Variants in NRXN1 observed in about 807,000 individuals in gnomAD.
The protein encoded by NRXN1 is neurexin 1.
In NRXN1, 39 loss-of-function variants were observed where a neutral mutation model predicts 150.9. The observed-to-expected ratio is 0.26, with a 90% CI of 0.20 to 0.34. The LOEUF is 0.34. Among genes scored for constraint, NRXN1 ranks in the 10% least tolerant of loss-of-function variants. NRXN1 has a pLI of 1.00. For missense variants in NRXN1, 1,815 were observed against 1,949.9 expected (o/e 0.93, Z 1.30); for synonymous variants, 924 against 757.0 (o/e 1.22, Z -3.62).
intron 18 of NRXN1, among the ~76,000 whole-genome samples, chr2:50,164,160 A>T (rs1269541218): frequency 6.6e-6 from 1 of 152,204 alleles, no homozygotes; most frequent in Non-Finnish European, 1.5e-5. Context: ...CATTTATTGT[A>T]ATTACATCTA....
intron 18 of NRXN1, among the ~76,000 whole-genome samples, chr2:50,098,911 A>G (rs183548660): frequency 3.5e-5 from 5 of 144,366 alleles, no homozygotes; most frequent in East Asian, 2.1e-4. Flanking sequence ...GCACTACACA[A>G]TAAGGAATCA....
At chr2:50,799,041 C>G (rs546190507) in intron 5 of NRXN1, among the ~76,000 whole-genome samples, 2 of 152,096 alleles carry the variant, frequency 1.3e-5, no homozygotes, top group East Asian at 3.9e-4. Context: ...TACTTTTGCA[C>G]CAGCCTAATA....
chr2:50,131,642 A>G (rs1705510978), intron 18 of NRXN1, among the ~76,000 whole-genome samples: 1 of 152,228 alleles, frequency 6.6e-6, no homozygotes, highest in Non-Finnish European at 1.5e-5. Context: ...TTTCATCTTC[A>G]AAGCACTTTA....
intron 15 of NRXN1, among the ~76,000 whole-genome samples, chr2:50,489,843 G>C (rs1263145716): frequency 6.6e-6 from 1 of 152,044 alleles, no homozygotes; most frequent in African/African-American, 2.4e-5. Context: ...GAAGCAGAGG[G>C]AAGAACTCCC....
intron 5 of NRXN1, among the ~76,000 whole-genome samples, chr2:50,654,999 G>A (rs1443898761): frequency 1.3e-5 from 2 of 151,840 alleles, no homozygotes; most frequent in Non-Finnish European, 2.9e-5. Flanking sequence ...AATAAAAAAG[G>A]TCTAATTAAT....
intron 2 of NRXN1, among the ~76,000 whole-genome samples, chr2:50,988,646 GA>G (rs1698078530): frequency 6.6e-6 from 1 of 151,876 alleles, no homozygotes; most frequent in Non-Finnish European, 1.5e-5. Context: ...GTTGTACTGA[GA>G]TATAATTCCT....
chr2:50,283,965 C>T (rs79438684), intron 17 of NRXN1, among the ~76,000 whole-genome samples: 3,519 of 152,216 alleles, frequency 0.023, 132 homozygotes, highest in African/African-American at 0.081. Context: ...TCTTTCCATG[C>T]TATACTTTTC....
chr2:50,014,638 CATTA>C, intron 21 of NRXN1, among the ~76,000 whole-genome samples: 1 of 152,248 alleles, frequency 6.6e-6, no homozygotes, highest in East Asian at 1.9e-4. Flanking sequence ...AGTTAAATTT[CATTA>C]ATTCTTTTTT....
chr2:50,499,621 A>C (rs766696124), intron 13 of NRXN1, among the ~76,000 whole-genome samples: 1 of 152,170 alleles, frequency 6.6e-6, no homozygotes, highest in Non-Finnish European at 1.5e-5. Context: ...GCAACATTGA[A>C]TTAAGAAGCT....
At chr2:50,768,003 TA>T (rs1457684571) in intron 5 of NRXN1, among the ~76,000 whole-genome samples, 1 of 152,116 alleles carries the variant, frequency 6.6e-6, no homozygotes, top group Non-Finnish European at 1.5e-5. Context: ...TAATTTATCA[TA>T]TTCTGCATTT....
chr2:49,933,896 T>C (rs1179122293), intron 22 of NRXN1, among the ~76,000 whole-genome samples: 1 of 152,140 alleles, frequency 6.6e-6, no homozygotes, highest in Non-Finnish European at 1.5e-5. Flanking sequence ...CCGGGAGTAG[T>C]TGTATTTGAG....
chr2:50,304,732 A>G (rs1452479827), intron 17 of NRXN1, among the ~76,000 whole-genome samples: 8 of 152,180 alleles, frequency 5.3e-5, no homozygotes, highest in African/African-American at 1.9e-4. Context: ...AAGACTTATG[A>G]AATGGGAAGC....
chr2:50,101,853 T>C (rs1485656928), intron 18 of NRXN1, among the ~76,000 whole-genome samples: 1 of 152,002 alleles, frequency 6.6e-6, no homozygotes, highest in Non-Finnish European at 1.5e-5. Context: ...ACTGACTTCC[T>C]AATGATGCTA....
chr2:50,056,657 T>C (rs1223544732), intron 19 of NRXN1, among the ~76,000 whole-genome samples: 3 of 152,150 alleles, frequency 2.0e-5, no homozygotes, highest in Admixed American at 6.6e-5. Context: ...CTCTGTTGTG[T>C]GTTTGCATAT....
chr2:50,417,124 C>T (rs1451804409), intron 17 of NRXN1: 1 of 151,972 alleles, frequency 6.6e-6, no homozygotes, highest in African/African-American at 2.4e-5. Flanking sequence ...TCATTTCTGC[C>T]TCCAGTCATG....
intron 21 of NRXN1, among the ~76,000 whole-genome samples, chr2:49,982,589 A>T (rs1246279015): frequency 6.6e-6 from 1 of 152,068 alleles, no homozygotes; most frequent in Non-Finnish European, 1.5e-5. Flanking sequence ...TATAGTTTGA[A>T]TAGTTATAGT....
chr2:50,309,288 CTA>C (rs1483748952), intron 17 of NRXN1, among the ~76,000 whole-genome samples: 1 of 152,114 alleles, frequency 6.6e-6, no homozygotes, highest in Non-Finnish European at 1.5e-5. Flanking sequence ...GTCTTCAAAA[CTA>C]TAGAGTTTTT....
At chr2:50,781,118 CA>C (rs1704297818) in intron 5 of NRXN1, among the ~76,000 whole-genome samples, 1 of 152,114 alleles carries the variant, frequency 6.6e-6, no homozygotes, top group Non-Finnish European at 1.5e-5. Flanking sequence ...GTGCTGGTTC[CA>C]TAAACCTCAT....
At chr2:50,536,058 T>G (rs1372095165) in intron 10 of NRXN1, among the ~76,000 whole-genome samples, 1 of 152,214 alleles carries the variant, frequency 6.6e-6, no homozygotes, top group Non-Finnish European at 1.5e-5. Flanking sequence ...GCCCCCTGTT[T>G]TAAATTGGAA....
Sources: allele counts gnomAD v4.1 joint callset (sites outside exome capture counted in the v4.1 genomes callset), GRCh38; gene constraint gnomAD v4.1.1; transcripts MANE v1.5; gene names NCBI Gene and HGNC (gene_info 2026-07-23, HGNC 2026-07-21).